Variants in LANCL1 observed in about 807,000 individuals in gnomAD.
LANCL1 encodes LanC like glutathione S-transferase 1.
Under a neutral mutation model 50.6 loss-of-function variants are expected in LANCL1, and 50 were observed. That is an observed-to-expected ratio of 0.99 (90% confidence interval 0.79 to 1.25). LANCL1 has a LOEUF of 1.25. Ranked by LOEUF, LANCL1 falls within the 50% of genes most tolerant of loss-of-function variation. The pLI is 0.00. For missense variants in LANCL1, 532 were observed against 480.7 expected (o/e 1.11, Z -1.00); for synonymous variants, 188 against 178.6 (o/e 1.05, Z -0.42).
chr2:210,471,798 T>C (rs570830529), intron 3 of LANCL1, among the ~76,000 whole-genome samples, 161 bp downstream of exon 3: 332 of 152,254 alleles, frequency 2.2e-3, no homozygotes, highest in African/African-American at 7.6e-3. Flanking sequence ...GAAGATACCA[T>C]GGTTGGTTGG....
intron 2 of LANCL1, among the ~76,000 whole-genome samples, chr2:210,475,217 G>C (rs1376593642): frequency 4.6e-5 from 7 of 152,152 alleles, no homozygotes. Context: ...AAATCTGTAA[G>C]GCCTTTATAT....
chr2:210,472,828 A>G (rs1694262887), intron 2 of LANCL1, among the ~76,000 whole-genome samples: 1 of 152,214 alleles, frequency 6.6e-6, no homozygotes, highest in South Asian at 2.1e-4. Context: ...AGTGTATCAC[A>G]AGTCTTTCTC....
chr2:210,439,090 T>G (rs921885112), intron 6 of LANCL1, among the ~76,000 whole-genome samples: 3 of 152,122 alleles, frequency 2.0e-5, no homozygotes. Context: ...AAGCTCAGAG[T>G]GTTACAGTAG....
chr2:210,458,720 C>T (rs1466739737), intron 3 of LANCL1, among the ~76,000 whole-genome samples: 1 of 152,034 alleles, frequency 6.6e-6, no homozygotes, highest in African/African-American at 2.4e-5. Context: ...GATGGCAAAC[C>T]CCTCTGTTGG....
At chr2:210,447,465 A>T (rs1693379563) in intron 4 of LANCL1, among the ~76,000 whole-genome samples, 2 of 152,204 alleles carry the variant, frequency 1.3e-5, no homozygotes, top group Admixed American at 1.3e-4. Flanking sequence ...CAAAATAACC[A>T]GCTACATCAT....
At position 210,440,592 on chromosome 2, in the gene LANCL1, C is replaced by A. The variant is rs767864226; in HGVS notation, c.690+6G>T. 2.9e-5 allele frequency: 47 copies of A among 1,610,724 alleles called. No individual in the cohort carries two copies. The highest frequency in any genetic ancestry group is 3.8e-5 in the Non-Finnish European group (45 of 1,178,756). On this transcript the variant is annotated splice_donor_region_variant and intron_variant, in intron 6 of 9. Transcript: ENST00000450366. Reference sequence around the variant, plus strand: ...ATTTTAAAATTTCACCATAATCACTCCTTACCTGCATCAGGTAGTAATAAA... The same window carrying A: ...ATTTTAAAATTTCACCATAATCACTACTTACCTGCATCAGGTAGTAATAAA...
rs757601736 is a variant in LANCL1, at chr2:210,476,424, G to C, written c.-16-12C>G. 1.2e-5 allele frequency: 19 copies of C among 1,609,026 alleles called. No individual in the cohort carries two copies. The highest frequency in any genetic ancestry group is 1.4e-5 in the Non-Finnish European group (17 of 1,178,030). ...CGCCGGAAGCAAGCCTGCAGAACAGGGGAAAAACAGAAACTAGGTTGAGAT... is the reference window on the plus strand; with the variant it reads ...CGCCGGAAGCAAGCCTGCAGAACAGCGGAAAAACAGAAACTAGGTTGAGAT... On this transcript the variant is annotated splice_polypyrimidine_tract_variant and intron_variant, in intron 1 of 9. Transcript: ENST00000450366.
chr2:210,475,116 C>T (rs1694320345), intron 2 of LANCL1, among the ~76,000 whole-genome samples: 3 of 152,122 alleles, frequency 2.0e-5, no homozygotes, highest in Admixed American at 1.3e-4. Flanking sequence ...TTCCTCCTAC[C>T]TGCATTACTG....
rs1028618982 is a variant in LANCL1, at chr2:210,431,507, C to T, written c.*2980G>A. 4 of 152,140 alleles carry T rather than the reference C, an allele frequency of 2.6e-5. No homozygotes were observed. Among genetic ancestry groups the T allele is most frequent in the Admixed American group, 1.3e-4 (2 of 15,266 alleles). The allele number at this position is 152,140 out of a possible 1,614,324, so 9.4% of individuals were successfully genotyped here. On this transcript the variant is annotated 3_prime_UTR_variant, in exon 10 of 10. Transcript: ENST00000450366. ...GGAATTCAGTGTAAATAATAAAGGA[C>T]TACAGATGAGTTCTAGCAGCCAAAG...
At chr2:210,454,266 A>G (rs966930318) in intron 4 of LANCL1, among the ~76,000 whole-genome samples, 3 of 151,366 alleles carry the variant, frequency 2.0e-5, no homozygotes, top group East Asian at 3.9e-4. Context: ...ACACACGCCT[A>G]AACAATAGGG....
intron 4 of LANCL1, among the ~76,000 whole-genome samples, chr2:210,448,670 G>A: frequency 6.6e-6 from 1 of 152,136 alleles, no homozygotes; most frequent in East Asian, 1.9e-4. Context: ...GATAAATGGG[G>A]ATATCATCAC....
At chr2:210,471,644 C>G in intron 3 of LANCL1, 1 of 507,932 alleles carries the variant, frequency 2.0e-6, no homozygotes, top group African/African-American at 1.9e-5. Flanking sequence ...CAATTCTTCC[C>G]ACTGAAATTA....
Position 210,440,654 on chromosome 2 carries a change from C to T in LANCL1, c.634G>A (p.Glu212Lys). 1 of 1,613,998 alleles carries T rather than the reference C, an allele frequency of 6.2e-7. No individual in the cohort carries two copies. Among genetic ancestry groups the T allele is most frequent in the Non-Finnish European group, 8.5e-7 (1 of 1,179,914 alleles). Reference sequence around the variant, plus strand: ...CCATGAGCAGCCCCTACATAATATTCCTGGTACCATTCATACATCAGTGGA... The same window carrying T: ...CCATGAGCAGCCCCTACATAATATTTCTGGTACCATTCATACATCAGTGGA... ...KSPLMYEWYQEYYVGAAHGLA... is the reference protein window; with the variant it reads ...KSPLMYEWYQKYYVGAAHGLA... The change falls in exon 6 of 10, where the codon GAA becomes AAA. Residue 212 changes from glutamate (E) to lysine (K), a missense_variant. Physicochemically the swap from Glu to Lys is moderately conservative, Grantham distance 56. Transcript: ENST00000450366.
chr2:210,476,213 A>ATT (rs3214410), intron 2 of LANCL1, 103 bp downstream of exon 2: 10 of 655,444 alleles, frequency 1.5e-5, no homozygotes, highest in Middle Eastern at 2.7e-4. Context: ...CGAATCATGT[A>ATT]TTTTTTTAAA....
chr2:210,444,194 A>T (rs1280880538), intron 4 of LANCL1, among the ~76,000 whole-genome samples: 1 of 152,082 alleles, frequency 6.6e-6, no homozygotes, highest in East Asian at 1.9e-4. Context: ...AATATGTACA[A>T]CAAAAACAAA....
chr2:210,459,849 AT>A (rs774653964), intron 3 of LANCL1, among the ~76,000 whole-genome samples: 213 of 145,850 alleles, frequency 1.5e-3, no homozygotes, highest in East Asian at 4.0e-3. Context: ...TGTGAACTAG[AT>A]TTTTTTTTTT....
intron 3 of LANCL1, among the ~76,000 whole-genome samples, chr2:210,462,807 TCTTA>T (rs1693904482): frequency 2.0e-5 from 3 of 152,222 alleles, no homozygotes; most frequent in South Asian, 4.1e-4. Context: ...CTTGTTTCCT[TCTTA>T]CTTTCCAAAT....
chr2:210,470,752 G>A lies in LANCL1; in HGVS notation c.199+1207C>T, dbSNP rs1001557292. Among the ~76,000 whole-genome samples, 5 of 152,176 alleles carry A rather than the reference G, an allele frequency of 3.3e-5. 1 individual carries two copies. The highest frequency in any genetic ancestry group is 3.3e-4 in the Admixed American group (5 of 15,274). On this transcript the variant is annotated intron_variant, in intron 3 of 9. Transcript: ENST00000450366. ...GAAAGCTTTCAAACTGCAGTCTGTA[G>A]ATCACCATCTGCATCAGGACCACTG...
chr2:210,476,466 T>A, intron 1 of LANCL1, 54 bp from the exon 2 acceptor site: 1 of 1,431,296 alleles, frequency 7.0e-7, no homozygotes, highest in Non-Finnish European at 9.1e-7. Context: ...CTCGGCCGAG[T>A]TGCGAGGGCG....
Sources: gnomAD v4.1 joint callset for allele counts (sites outside exome capture counted in the v4.1 genomes callset) on GRCh38, gnomAD v4.1.1 for gene constraint, MANE v1.5 for transcripts, NCBI Gene and HGNC (gene_info 2026-07-23, HGNC 2026-07-21) for gene names.